RHOA: variants seen among roughly 807,000 people sequenced by gnomAD.
RHOA encodes ras homolog family member A.
A neutral mutation model predicts 17.5 loss-of-function variants in RHOA; 3 were observed. That is an observed-to-expected ratio of 0.17 (90% CI 0.08 to 0.44). The LOEUF (loss-of-function observed/expected upper bound fraction) is 0.44. Among genes scored for constraint, RHOA ranks in the 20% least tolerant of loss-of-function variants. The probability of loss-of-function intolerance (pLI) is 0.99; values close to 1 mark genes in which losing one functional copy is unlikely to be tolerated. For missense variants in RHOA, 56 were observed against 242.3 expected, an observed-to-expected ratio of 0.23 and a Z score of 5.10; for synonymous variants, 98 against 88.4, an observed-to-expected ratio of 1.11 and a Z score of -0.61.
At chr3:49,382,657 C>G (rs1375091395) in intron 1 of RHOA, among the ~76,000 whole-genome samples, 1 of 151,968 alleles carries the variant, frequency 6.6e-6, no homozygotes, top group African/African-American at 2.4e-5. Flanking sequence ...ATTTAATAAA[C>G]TTTACATCTC....
chr3:49,405,192 A>C (rs1387040830), intron 1 of RHOA, among the ~76,000 whole-genome samples: 1 of 140,662 alleles, frequency 7.1e-6, no homozygotes, highest in Non-Finnish European at 1.5e-5. Context: ...CGGAGGGCGG[A>C]GGTTGCAGTG....
chr3:49,372,688 C>A (rs1160760357), intron 2 of RHOA, among the ~76,000 whole-genome samples: 2 of 142,016 alleles, frequency 1.4e-5, no homozygotes, highest in African/African-American at 5.3e-5. Flanking sequence ...TAGCAGAGAT[C>A]ACGCCACTGC....
intron 2 of RHOA, chr3:49,373,237 G>T: frequency 5.0e-6 from 1 of 200,550 alleles, no homozygotes; most frequent in Non-Finnish European, 1.1e-5. Flanking sequence ...CCAGCTCCTC[G>T]GGAGGCTGAG....
intron 1 of RHOA, among the ~76,000 whole-genome samples, chr3:49,406,251 A>T (rs761680545): frequency 6.6e-6 from 1 of 152,244 alleles, no homozygotes; most frequent in Non-Finnish European, 1.5e-5. Flanking sequence ...TTACAAAAAA[A>T]AATCCCAGTA....
chr3:49,377,692 T>C (rs532070938), intron 1 of RHOA, among the ~76,000 whole-genome samples: 2 of 151,968 alleles, frequency 1.3e-5, no homozygotes, highest in African/African-American at 2.4e-5. Flanking sequence ...GAGGATTGCT[T>C]GAGCCCAGGA....
intron 1 of RHOA, among the ~76,000 whole-genome samples, chr3:49,384,869 G>T (rs2048371538): frequency 6.6e-6 from 1 of 152,012 alleles, no homozygotes; most frequent in African/African-American, 2.4e-5. Flanking sequence ...GAAACCAGCA[G>T]CCTGGCCAAC....
intron 1 of RHOA, among the ~76,000 whole-genome samples, chr3:49,385,070 A>G (rs1229588153): frequency 6.6e-6 from 1 of 151,052 alleles, no homozygotes; most frequent in Non-Finnish European, 1.5e-5. Context: ...GGGGAAAAAC[A>G]AATTTAATTA....
At chr3:49,391,078 C>T (rs1336379695) in intron 1 of RHOA, among the ~76,000 whole-genome samples, 7 of 151,744 alleles carry the variant, frequency 4.6e-5, no homozygotes, top group Admixed American at 1.3e-4. Flanking sequence ...ACTAGCCAGG[C>T]GTGGTGGCAT....
At chr3:49,368,012 C>T (rs1394521396) in intron 3 of RHOA, among the ~76,000 whole-genome samples, 2 of 151,668 alleles carry the variant, frequency 1.3e-5, no homozygotes, top group Admixed American at 1.3e-4. Flanking sequence ...CAGGTTCAAA[C>T]GATTCTCCTG....
intron 2 of RHOA, 124 bp from the exon 3 acceptor site, chr3:49,368,672 G>C: frequency 4.9e-6 from 4 of 823,246 alleles, no homozygotes; most frequent in Non-Finnish European, 5.8e-6. Flanking sequence ...GTCTAAAACA[G>C]TAAAACACAG....
At chr3:49,374,902 C>T (rs1053297743) in intron 2 of RHOA, among the ~76,000 whole-genome samples, 2 of 151,976 alleles carry the variant, frequency 1.3e-5, no homozygotes, top group Non-Finnish European at 2.9e-5. Context: ...ACTAAAAATA[C>T]AAAAATCAGC....
rs139662848 is a variant in RHOA at position 49,367,898 on chromosome 3, T to C, written c.277+530A>G. On this transcript the variant is annotated intron_variant, in intron 3 of 4. Coordinates refer to ENST00000418115, the MANE Select transcript of RHOA (RefSeq NM_001664.4). The stretch of plus-strand genomic sequence containing the variant: ...ATTTTTAAATAACATTTAATATTAT[T>C]TAGTAATAATAATAATAATTATTAT... Among the ~76,000 whole-genome samples the C allele has an allele frequency of 3.2e-3, 480 of 151,786 alleles. 7 individuals are homozygous for C. The Middle Eastern group carries it at 0.041, about 13-fold the overall frequency.
intron 4 of RHOA, 110 bp from the exon 5 acceptor site, chr3:49,360,492 T>C (rs2047947699): frequency 2.4e-6 from 3 of 1,232,524 alleles, no homozygotes; most frequent in Admixed American, 2.9e-5. Context: ...TTTGAGACAG[T>C]TTTGCTCGTC....
At chr3:49,380,066 C>G (rs2048292554) in intron 1 of RHOA, among the ~76,000 whole-genome samples, 1 of 152,158 alleles carries the variant, frequency 6.6e-6, no homozygotes, top group Non-Finnish European at 1.5e-5. Context: ...GGAGACATGG[C>G]CATGTACCAT....
intron 2 of RHOA, among the ~76,000 whole-genome samples, chr3:49,369,852 G>A (rs1291596146): frequency 6.6e-6 from 1 of 152,200 alleles, no homozygotes; most frequent in Non-Finnish European, 1.5e-5. Flanking sequence ...CGGATCACCT[G>A]AAGTCGGAAG....
At chr3:49,397,430 A>C (rs2107892036) in intron 1 of RHOA, among the ~76,000 whole-genome samples, 1 of 152,264 alleles carries the variant, frequency 6.6e-6, no homozygotes, top group South Asian at 2.1e-4. Context: ...ACTAAAACCC[A>C]CCAAACTGTT....
At chr3:49,368,618 T>C in intron 2 of RHOA, 70 bp from the exon 3 acceptor site, 1 of 1,559,092 alleles carries the variant, frequency 6.4e-7, no homozygotes, top group Admixed American at 1.7e-5. Flanking sequence ...AAAGTGACAC[T>C]TACCATAGTA....
At chr3:49,387,448 G>GA (rs371706211) in intron 1 of RHOA, among the ~76,000 whole-genome samples, 92,512 of 128,582 alleles carry the variant, frequency 0.72, 33,171 homozygotes, top group East Asian at 0.98. Flanking sequence ...CATCTCGGGG[G>GA]AAAAAAAAAA....
chr3:49,391,172 C>T (rs1260887856), intron 1 of RHOA, among the ~76,000 whole-genome samples: 1 of 149,832 alleles, frequency 6.7e-6, no homozygotes, highest in Non-Finnish European at 1.5e-5. Flanking sequence ...GAGCCGAGAT[C>T]GCACCACTGC....
Sources: gnomAD v4.1 joint callset for allele counts (sites outside exome capture counted in the v4.1 genomes callset) on GRCh38, gnomAD v4.1.1 for gene constraint, MANE v1.5 for transcripts, NCBI Gene and HGNC (gene_info 2026-07-23, HGNC 2026-07-21) for gene names.